SRGAP1: variants seen among roughly 807,000 people sequenced by gnomAD.
The protein encoded by SRGAP1 is SLIT-ROBO Rho GTPase activating protein 1.
A neutral mutation model predicts 121.9 loss-of-function variants in SRGAP1; 43 were observed. The observed-to-expected ratio is 0.35, with a 90% confidence interval of 0.28 to 0.46. The LOEUF (loss-of-function observed/expected upper bound fraction) is 0.46. Among genes scored for constraint, SRGAP1 ranks in the 20% least tolerant of loss-of-function variants. The pLI, the probability that SRGAP1 is intolerant of heterozygous loss-of-function variation, is 1.00. For synonymous variants in SRGAP1, 447 were observed against 485.4 expected, an observed-to-expected ratio of 0.92 and a Z score of 1.04; for missense variants, 1,102 against 1,350.9, an observed-to-expected ratio of 0.82 and a Z score of 2.89.
intron 4 of SRGAP1, among the ~76,000 whole-genome samples, chr12:64,030,919 T>C (rs2034763373): frequency 6.6e-6 from 1 of 152,248 alleles, no homozygotes; most frequent in Non-Finnish European, 1.5e-5. Context: ...AGGAATCTTA[T>C]ATCCCTGGCA....
At chr12:64,121,666 G>A (rs1272147781) in intron 18 of SRGAP1, among the ~76,000 whole-genome samples, 1 of 152,092 alleles carries the variant, frequency 6.6e-6, no homozygotes, top group African/African-American at 2.4e-5. Context: ...CTTCTCTTAG[G>A]TGTTTCCCTG....
chr12:63,928,564 A>G (rs577756040), intron 1 of SRGAP1, among the ~76,000 whole-genome samples: 1 of 151,896 alleles, frequency 6.6e-6, no homozygotes, highest in South Asian at 2.1e-4. Context: ...AAGTGTTTTC[A>G]GTCTGTCTTG....
chr12:63,984,217 A>G, intron 2 of SRGAP1, 75 bp downstream of exon 2: 1 of 832,774 alleles, frequency 1.2e-6, no homozygotes, highest in Non-Finnish European at 1.7e-6. Context: ...TGGATTTTTT[A>G]TTTTTCTATT....
chr12:63,959,067 CT>C (rs377320655), intron 1 of SRGAP1, among the ~76,000 whole-genome samples: 1 of 152,258 alleles, frequency 6.6e-6, no homozygotes, highest in East Asian at 1.9e-4. Flanking sequence ...ATGAGAGTTA[CT>C]TTGCCACTTT....
rs1318237156 is a variant in SRGAP1 at position 64,127,997 on chromosome 12, C to T, written c.2677C>T (p.Pro893Ser). The T allele has an allele frequency of 1.8e-5, 29 of 1,614,044 alleles. No homozygotes were observed. Among genetic ancestry groups the T allele is most frequent in the Non-Finnish European group, 2.5e-5 (29 of 1,180,042 alleles). ...DLGSPSLASH[P>S]RGLLQNRGLN... The stretch of plus-strand genomic sequence containing the variant: ...AGGGTCCCCAAGCCTTGCCAGTCAC[C>T]CCCGGGGCCTGCTGCAGAACCGTGG... Residue 893 changes from proline (P) to serine (S), a missense_variant, in exon 21 of 22, where the codon CCC (proline) becomes TCC (serine). By Grantham distance (74) the Pro-to-Ser change is moderately conservative. Around this residue, in one of 3 missense-constraint regions of SRGAP1, gnomAD observed 315 missense variants for 343.1 expected, o/e 0.92. Transcript: ENST00000355086.
At chr12:64,136,021 T>G (rs1162859145) in intron 21 of SRGAP1, among the ~76,000 whole-genome samples, 2 of 152,194 alleles carry the variant, frequency 1.3e-5, no homozygotes, top group South Asian at 2.1e-4. Flanking sequence ...GCTAGGCCAG[T>G]CTAACCTTTT....
intron 1 of SRGAP1, among the ~76,000 whole-genome samples, chr12:63,943,121 A>G (rs1435569753): frequency 6.6e-6 from 1 of 152,178 alleles, no homozygotes; most frequent in East Asian, 1.9e-4. Context: ...CAGGAGAAAC[A>G]GTATTTTTTT....
Position 64,125,957 on chromosome 12 carries a change from T to G in SRGAP1, c.2225-20T>G. 1 of 1,611,120 alleles carries G rather than the reference T, an allele frequency of 6.2e-7. No individual in the cohort carries two copies. The highest frequency in any genetic ancestry group is 1.7e-4 in the Middle Eastern group (1 of 6,046). On this transcript the variant is annotated intron_variant, in intron 18 of 21. Transcript: ENST00000355086. ...CCTAACAACCCTGTTTCTCGCTGTT[T>G]TCTGGTGTGTTCGTTGTAGAATGTG...
chr12:64,080,211 C>G, intron 9 of SRGAP1, 75 bp from the exon 10 acceptor site: 2 of 1,320,968 alleles, frequency 1.5e-6, no homozygotes, highest in Middle Eastern at 4.6e-4. Context: ...CCACTGCACT[C>G]CAGCCTGGGT....
At chr12:64,066,784 CA>C (rs2035548748) in intron 8 of SRGAP1, among the ~76,000 whole-genome samples, 1 of 152,182 alleles carries the variant, frequency 6.6e-6, no homozygotes, top group Non-Finnish European at 1.5e-5. Context: ...CACCTTGAGG[CA>C]GCGTTTGAGA....
chr12:64,134,890 A>T (rs2036836180), intron 21 of SRGAP1, among the ~76,000 whole-genome samples: 1 of 152,006 alleles, frequency 6.6e-6, no homozygotes, highest in Non-Finnish European at 1.5e-5. Context: ...CATGGGTCAC[A>T]CTCTCAACCT....
chr12:64,119,460 A>C (rs2036570798), intron 18 of SRGAP1, among the ~76,000 whole-genome samples: 1 of 152,178 alleles, frequency 6.6e-6, no homozygotes, highest in Non-Finnish European at 1.5e-5. Context: ...ACCTATATTA[A>C]TATGGGGAGA....
chr12:63,869,932 A>T (rs1003465931), intron 1 of SRGAP1, among the ~76,000 whole-genome samples: 3 of 152,202 alleles, frequency 2.0e-5, no homozygotes, highest in Non-Finnish European at 4.4e-5. Flanking sequence ...AAAGAAACTC[A>T]AAACTTAGAA....
chr12:64,019,003 G>A (rs1032531868), intron 4 of SRGAP1, among the ~76,000 whole-genome samples: 28 of 152,092 alleles, frequency 1.8e-4, no homozygotes, highest in Admixed American at 1.1e-3. Flanking sequence ...CTTAGACATT[G>A]TTTTACCTAG....
chr12:63,982,109 G>A (rs1472629907), intron 1 of SRGAP1, among the ~76,000 whole-genome samples: 1 of 152,040 alleles, frequency 6.6e-6, no homozygotes, highest in Non-Finnish European at 1.5e-5. Context: ...GCTACTCGAG[G>A]CTGAGACAGG....
intron 1 of SRGAP1, among the ~76,000 whole-genome samples, chr12:63,876,081 A>G (rs530730554): frequency 1.3e-5 from 2 of 152,362 alleles, no homozygotes; most frequent in South Asian, 2.1e-4. Context: ...TGAAACCAAC[A>G]TAAAAAGTTT....
chr12:63,879,215 A>G (rs1032303326), intron 1 of SRGAP1: 14 of 154,232 alleles, frequency 9.1e-5, no homozygotes, highest in African/African-American at 2.9e-4. Context: ...AGGTCTTGCT[A>G]TGTTGCCCAG....
chr12:64,083,870 G>T (rs954311245), intron 10 of SRGAP1, among the ~76,000 whole-genome samples: 1 of 152,192 alleles, frequency 6.6e-6, no homozygotes, highest in African/African-American at 2.4e-5. Flanking sequence ...CTGGGCATAA[G>T]GTTTCTGACA....
chr12:64,003,669 T>TA (rs2033985214), intron 3 of SRGAP1, among the ~76,000 whole-genome samples: 1 of 151,558 alleles, frequency 6.6e-6, no homozygotes, highest in Non-Finnish European at 1.5e-5. Context: ...AAAAAATATT[T>TA]TAAAAAAAAT....
Sources: allele counts gnomAD v4.1 joint callset (sites outside exome capture counted in the v4.1 genomes callset), GRCh38; gene constraint gnomAD v4.1.1; regional missense constraint gnomAD v4.1.1; transcripts MANE v1.5; gene names NCBI Gene and HGNC (gene_info 2026-07-23, HGNC 2026-07-21).